EXT1: variants seen among roughly 807,000 people sequenced by gnomAD.
EXT1 encodes the protein exostosin-1.
A neutral mutation model predicts 82.5 loss-of-function variants in EXT1; 20 were observed. The observed-to-expected ratio is 0.24, with a 90% CI of 0.17 to 0.35. The LOEUF is 0.35. Ranked by LOEUF, EXT1 falls within the 10% of genes least tolerant of loss-of-function variation. EXT1 has a pLI of 1.00. For synonymous variants in EXT1, 348 were observed against 350.8 expected (o/e 0.99, Z 0.09); for missense variants, 757 against 936.5 (o/e 0.81, Z 2.50).
intron 1 of EXT1, among the ~76,000 whole-genome samples, chr8:117,868,716 C>T (rs1812815974): frequency 6.6e-6 from 1 of 152,138 alleles, no homozygotes; most frequent in African/African-American, 2.4e-5. Flanking sequence ...TCCCAAAGTG[C>T]TGGGATTAGA....
rs1003029271 is a variant in EXT1, at chr8:118,087,540, A to G, written c.962+22545T>C. On this transcript the variant is annotated intron_variant, in intron 1 of 10. Coordinates refer to ENST00000378204, the MANE Select transcript of EXT1 (RefSeq NM_000127.3). The stretch of plus-strand genomic sequence containing the variant: ...CCTAAAAAAGTCAATAACCAACCAT[A>G]AAGTTGTTTCTTTAATTATGCTGGG... 3.3e-5 allele frequency among the ~76,000 whole-genome samples: 5 copies of G among 152,172 alleles called. No individual in the cohort carries two copies. In the East Asian group the frequency reaches 9.6e-4, roughly 29 times the overall value.
At chr8:117,968,926 C>A (rs998877059) in intron 1 of EXT1, among the ~76,000 whole-genome samples, 8 of 152,166 alleles carry the variant, frequency 5.3e-5, no homozygotes, top group African/African-American at 1.9e-4. Context: ...TTGTATACAG[C>A]TCTGTCTCTT....
intron 8 of EXT1, 65 bp from the exon 9 acceptor site, chr8:117,807,442 C>T (rs1823256672): frequency 1.3e-6 from 2 of 1,559,876 alleles, no homozygotes; most frequent in Non-Finnish European, 1.8e-6. Flanking sequence ...AAAACATTAC[C>T]TTCTCCCCAC....
intron 1 of EXT1, among the ~76,000 whole-genome samples, chr8:117,858,803 G>GGAAGGAAGGAAGGAA (rs1563582124): frequency 2.5e-5 from 2 of 80,298 alleles, no homozygotes; most frequent in African/African-American, 1.3e-4. Context: ...GGCAAGGCAA[G>GGAAGGAAGGAAGGAA]GCAAGGCAGG....
At chr8:117,950,091 A>G (rs17453357) in intron 1 of EXT1, among the ~76,000 whole-genome samples, 2,975 of 152,062 alleles carry the variant, frequency 0.02, 37 homozygotes, top group Middle Eastern at 0.037. Context: ...ACAAAAACAA[A>G]TTAGCTGGGC....
intron 1 of EXT1, among the ~76,000 whole-genome samples, chr8:118,090,210 C>T (rs1817497511): frequency 6.6e-6 from 1 of 151,950 alleles, no homozygotes; most frequent in African/African-American, 2.4e-5. Flanking sequence ...CCACTTAAGA[C>T]CAGGAGTTTG....
chr8:117,909,154 T>C (rs897948398), intron 1 of EXT1, among the ~76,000 whole-genome samples: 1 of 151,786 alleles, frequency 6.6e-6, no homozygotes, highest in Non-Finnish European at 1.5e-5. Context: ...GAAAAGCTGC[T>C]ATAGATGAAT....
intron 1 of EXT1, among the ~76,000 whole-genome samples, chr8:118,102,875 C>G (rs1351674448): frequency 6.6e-6 from 1 of 152,068 alleles, no homozygotes; most frequent in Non-Finnish European, 1.5e-5. Flanking sequence ...ACAAGGTCGG[C>G]CGGGCTTGGT....
chr8:118,103,051 G>A (rs1362679217), intron 1 of EXT1, among the ~76,000 whole-genome samples: 1 of 152,184 alleles, frequency 6.6e-6, no homozygotes, highest in African/African-American at 2.4e-5. Context: ...TACTCGGGAG[G>A]CTGAGGCAGG....
At chr8:118,017,313 T>C (rs934713847) in intron 1 of EXT1, among the ~76,000 whole-genome samples, 2 of 152,220 alleles carry the variant, frequency 1.3e-5, no homozygotes, top group Non-Finnish European at 2.9e-5. Context: ...CTATTTCTTA[T>C]TTAAACAACA....
At chr8:117,833,708 T>C (rs542015953) in intron 3 of EXT1, among the ~76,000 whole-genome samples, 1 of 152,282 alleles carries the variant, frequency 6.6e-6, no homozygotes, top group South Asian at 2.1e-4. Flanking sequence ...TCACATCAAA[T>C]TCATGGGAGC....
intron 1 of EXT1, among the ~76,000 whole-genome samples, chr8:117,926,402 C>T (rs1373604221): frequency 6.6e-6 from 1 of 152,208 alleles, no homozygotes. Flanking sequence ...CAGAGAGGGC[C>T]TCTTCCATGT....
chr8:117,915,894 C>CAAAAA (rs1196728992), intron 1 of EXT1, among the ~76,000 whole-genome samples: 1 of 149,250 alleles, frequency 6.7e-6, no homozygotes, highest in African/African-American at 2.5e-5. Flanking sequence ...CAAAACAAAA[C>CAAAAA]AAAAGTCACT....
chr8:118,069,676 C>T (rs1288311909), intron 1 of EXT1, among the ~76,000 whole-genome samples: 2 of 152,066 alleles, frequency 1.3e-5, no homozygotes, highest in Admixed American at 6.6e-5. Context: ...CTTCACACCA[C>T]AGGTTAAAGG....
chr8:117,845,843 T>C (rs1812349659), intron 1 of EXT1, among the ~76,000 whole-genome samples: 2 of 152,176 alleles, frequency 1.3e-5, no homozygotes, highest in African/African-American at 4.8e-5. Context: ...ATCTTTACTG[T>C]GCCTTATCTT....
At chr8:117,959,407 G>T (rs1814653153) in intron 1 of EXT1, among the ~76,000 whole-genome samples, 1 of 152,140 alleles carries the variant, frequency 6.6e-6, no homozygotes, top group Non-Finnish European at 1.5e-5. Context: ...CTGTGCCCTT[G>T]CTAGCTAGCA....
At chr8:118,029,899 A>C (rs1286180871) in intron 1 of EXT1, among the ~76,000 whole-genome samples, 6 of 152,208 alleles carry the variant, frequency 3.9e-5, no homozygotes, top group Admixed American at 3.9e-4. Context: ...TGCTTTCCTC[A>C]AGGTTAAATT....
chr8:117,845,535 T>C (rs932249676), intron 1 of EXT1, among the ~76,000 whole-genome samples: 1 of 138,816 alleles, frequency 7.2e-6, no homozygotes, highest in Non-Finnish European at 1.5e-5. Context: ...AACAGCTCAA[T>C]GGCTAATATA....
chr8:118,079,712 C>T (rs558558066), intron 1 of EXT1, among the ~76,000 whole-genome samples: 3 of 130,630 alleles, frequency 2.3e-5, no homozygotes, highest in African/African-American at 8.5e-5. Context: ...AGGCCAAAGA[C>T]CCTAGTCAAG....
Sources: gnomAD v4.1 joint callset for allele counts (sites outside exome capture counted in the v4.1 genomes callset) on GRCh38, gnomAD v4.1.1 for gene constraint, MANE v1.5 for transcripts, NCBI Gene and HGNC (gene_info 2026-07-23, HGNC 2026-07-21) for gene names.